The following PHF14 variants were observed in gnomAD, a reference collection of about 807,000 sequenced individuals.
PHF14 encodes PHD finger protein 14.
A neutral mutation model predicts 117.9 loss-of-function variants in PHF14; 55 were observed. That is an observed-to-expected ratio of 0.47 (90% confidence interval 0.38 to 0.58). PHF14 has a LOEUF of 0.58. Among genes scored for constraint, PHF14 ranks in the 20% least tolerant of loss-of-function variants. The probability of loss-of-function intolerance (pLI) is 0.00; values close to 1 mark genes in which losing one functional copy is unlikely to be tolerated. For synonymous variants in PHF14, 409 were observed against 368.6 expected, an observed-to-expected ratio of 1.11 and a Z score of -1.26; for missense variants, 978 against 1,122.2, an observed-to-expected ratio of 0.87 and a Z score of 1.84.
chr7:11,112,534 G>A (rs1380323144), intron 17 of PHF14, among the ~76,000 whole-genome samples: 3 of 151,908 alleles, frequency 2.0e-5, no homozygotes, highest in Non-Finnish European at 4.4e-5. Context: ...CACTTTGGGA[G>A]GTCGAGGGAG....
intron 13 of PHF14, among the ~76,000 whole-genome samples, chr7:11,050,860 C>T (rs1460285861): frequency 6.6e-6 from 1 of 151,874 alleles, no homozygotes; most frequent in African/African-American, 2.4e-5. Flanking sequence ...TTTCCCCCAA[C>T]ACTTCTTGGA....
intron 16 of PHF14, among the ~76,000 whole-genome samples, chr7:11,078,781 A>G (rs1267746631): frequency 1.3e-5 from 2 of 152,104 alleles, no homozygotes; most frequent in African/African-American, 2.4e-5. Context: ...GTCACTTTTC[A>G]TTTATTACTA....
At chr7:11,153,897 CATT>C (rs967363207) in intron 17 of PHF14, among the ~76,000 whole-genome samples, 89 of 149,892 alleles carry the variant, frequency 5.9e-4, no homozygotes, top group African/African-American at 2.2e-3. Context: ...TGTGTCCTCA[CATT>C]ATAATACATA....
At chr7:11,043,997 A>AC (rs1267303694) in intron 13 of PHF14, among the ~76,000 whole-genome samples, 21 of 152,266 alleles carry the variant, frequency 1.4e-4, no homozygotes, top group African/African-American at 4.3e-4. Flanking sequence ...GCTAAAAAAA[A>AC]ACACACACAA....
chr7:11,030,306 A>C (rs190683587), intron 7 of PHF14, among the ~76,000 whole-genome samples: 32 of 152,218 alleles, frequency 2.1e-4, no homozygotes, highest in African/African-American at 7.7e-4. Flanking sequence ...TGGATCAGGG[A>C]ATCTATAGGA....
At chr7:11,005,930 C>T (rs10232287) in intron 4 of PHF14, among the ~76,000 whole-genome samples, 5 of 151,178 alleles carry the variant, frequency 3.3e-5, no homozygotes, top group Non-Finnish European at 7.4e-5. Flanking sequence ...GTAGCTGGGA[C>T]TACAGGCATG....
At chr7:11,137,337 C>A (rs1788250207) in intron 17 of PHF14, among the ~76,000 whole-genome samples, 1 of 151,296 alleles carries the variant, frequency 6.6e-6, no homozygotes, top group South Asian at 2.1e-4. Flanking sequence ...TATGCTTGAT[C>A]TTAAGTGCTT....
intron 17 of PHF14, among the ~76,000 whole-genome samples, chr7:11,164,499 G>A (rs1032673065): frequency 6.6e-6 from 1 of 152,184 alleles, no homozygotes; most frequent in Non-Finnish European, 1.5e-5. Flanking sequence ...GTATATTTCA[G>A]TGTAGAGGCT....
intron 13 of PHF14, among the ~76,000 whole-genome samples, chr7:11,046,548 G>A (rs764965665): frequency 2.4e-4 from 36 of 151,698 alleles, no homozygotes; most frequent in Admixed American, 3.3e-4. Context: ...TTTTTTTATT[G>A]CCTCTTCTTC....
intron 17 of PHF14, among the ~76,000 whole-genome samples, chr7:11,139,327 G>T (rs143114714): frequency 0.019 from 2,918 of 152,118 alleles, 40 homozygotes; most frequent in Middle Eastern, 0.048. Context: ...TATTTATTTT[G>T]ATTGTATTCT....
intron 4 of PHF14, among the ~76,000 whole-genome samples, chr7:11,004,995 C>A (rs6970208): frequency 6.6e-6 from 1 of 151,522 alleles, no homozygotes. Flanking sequence ...CCAGCCTGGG[C>A]AATAGAGCGA....
intron 16 of PHF14, among the ~76,000 whole-genome samples, chr7:11,099,296 G>A (rs1010139209): frequency 6.6e-6 from 1 of 151,974 alleles, no homozygotes; most frequent in Non-Finnish European, 1.5e-5. Context: ...ACCTTTAAGT[G>A]TCTTTGTATT....
chr7:11,015,952 G>C (rs1783519718), intron 5 of PHF14, among the ~76,000 whole-genome samples: 1 of 151,428 alleles, frequency 6.6e-6, no homozygotes, highest in South Asian at 2.1e-4. Context: ...TTATTTTACT[G>C]TTTTTCTTGT....
chr7:11,104,703 C>A, intron 16 of PHF14: 1 of 814,658 alleles, frequency 1.2e-6, no homozygotes, highest in Non-Finnish European at 1.5e-6. Context: ...TTTGTAAAAA[C>A]ACAGGTGACT....
At chr7:11,150,769 G>C (rs768314071) in intron 17 of PHF14, among the ~76,000 whole-genome samples, 5 of 152,104 alleles carry the variant, frequency 3.3e-5, no homozygotes, top group African/African-American at 7.2e-5. Context: ...TAATTATGGG[G>C]TATATCATTT....
chr7:11,045,796 T>C (rs1292455331), intron 13 of PHF14, among the ~76,000 whole-genome samples: 1 of 152,160 alleles, frequency 6.6e-6, no homozygotes, highest in Non-Finnish European at 1.5e-5. Flanking sequence ...TATAGGAGTC[T>C]GTTGAGAGGG....
chr7:11,070,473 G>C (rs1474227283), intron 16 of PHF14, among the ~76,000 whole-genome samples: 1 of 152,120 alleles, frequency 6.6e-6, no homozygotes, highest in African/African-American at 2.4e-5. Context: ...TAGTCATGCT[G>C]GCCTTTTCAG....
chr7:11,013,450 C>T (rs1355447285), intron 4 of PHF14, among the ~76,000 whole-genome samples: 2 of 152,216 alleles, frequency 1.3e-5, no homozygotes, highest in African/African-American at 4.8e-5. Context: ...GCATGAGCCA[C>T]TGCACCCAGC....
At chr7:10,997,800 A>G (rs1198393658) in intron 4 of PHF14, among the ~76,000 whole-genome samples, 1 of 152,220 alleles carries the variant, frequency 6.6e-6, no homozygotes, top group African/African-American at 2.4e-5. Flanking sequence ...GTAAGTGATC[A>G]AAGAGAGAAA....
Sources: allele counts gnomAD v4.1 joint callset (sites outside exome capture counted in the v4.1 genomes callset), GRCh38; gene constraint gnomAD v4.1.1; transcripts MANE v1.5; gene names NCBI Gene and HGNC (gene_info 2026-07-23, HGNC 2026-07-21).